PLGRKT: variants seen among roughly 807,000 people sequenced by gnomAD.
PLGRKT encodes the protein plasminogen receptor with a C-terminal lysine.
A neutral mutation model predicts 18.5 loss-of-function variants in PLGRKT; 22 were observed. The observed-to-expected ratio is 1.19, with a 90% confidence interval of 0.85 to 1.70. The LOEUF is 1.70. Among genes scored for constraint, PLGRKT ranks in the 40% most tolerant of loss-of-function variants. The pLI is 0.00. For missense variants in PLGRKT, 235 were observed against 174.4 expected, an observed-to-expected ratio of 1.35 and a Z score of -1.96; for synonymous variants, 72 against 52.8, an observed-to-expected ratio of 1.36 and a Z score of -1.58.
At chr9:5,374,172 G>A (rs1817582630) in intron 3 of PLGRKT, among the ~76,000 whole-genome samples, 1 of 152,204 alleles carries the variant, frequency 6.6e-6, no homozygotes, top group Non-Finnish European at 1.5e-5. Context: ...GAAATGGAGA[G>A]CAAAATCTAA....
chr9:5,369,978 T>C (rs572066951), intron 3 of PLGRKT, among the ~76,000 whole-genome samples: 1 of 152,110 alleles, frequency 6.6e-6, no homozygotes, highest in Non-Finnish European at 1.5e-5. Flanking sequence ...TTAGGAGAAA[T>C]ACCTAATGTA....
rs1164793227 is a variant in PLGRKT, at chr9:5,418,359, C to G, written c.81+13538G>C. 4.2e-6 allele frequency: 3 copies of G among 711,556 alleles called. No homozygotes were observed. The highest frequency in any genetic ancestry group is 7.6e-6 in the Non-Finnish European group (3 of 396,534). The allele number at this position is 711,556 out of a possible 1,614,324, so 44.1% of individuals were successfully genotyped here. ...TTGGCACCCACAAGAGACTTCCCTGCAGCCCTCTCCAGCCACAAGATGTCA... is the reference window on the plus strand; with the variant it reads ...TTGGCACCCACAAGAGACTTCCCTGGAGCCCTCTCCAGCCACAAGATGTCA... On this transcript the variant is annotated intron_variant, in intron 3 of 5. Coordinates refer to ENST00000223864, the MANE Select transcript of PLGRKT (RefSeq NM_018465.4). This position sits in a 1 kb window ranked among gnomAD's most constrained non-coding sequence, Gnocchi z 4.2.
intron 5 of PLGRKT, among the ~76,000 whole-genome samples, chr9:5,359,505 G>A (rs948204100): frequency 3.9e-5 from 6 of 152,076 alleles, no homozygotes; most frequent in African/African-American, 1.2e-4. Flanking sequence ...ATGTAATTAG[G>A]TTGGCCATTG....
chr9:5,358,899 G>A lies in PLGRKT; in HGVS notation c.323-539C>T, dbSNP rs73639288. The stretch of plus-strand genomic sequence containing the variant: ...TTCCTCTTTCAAAGAGCTACACAAC[G>A]CAGTAATTTCTTGGGCCCAGTGACA... On this transcript the variant is annotated intron_variant, in intron 5 of 5. Transcript: ENST00000223864. Among the ~76,000 whole-genome samples, 991 of 152,060 alleles carry A rather than the reference G, an allele frequency of 6.5e-3. 10 individuals carry two copies. Among genetic ancestry groups the A allele is most frequent in the African/African-American group, 0.022 (925 of 41,488 alleles).
intron 3 of PLGRKT, among the ~76,000 whole-genome samples, chr9:5,401,373 T>G (rs1447052882): frequency 6.6e-6 from 1 of 152,034 alleles, no homozygotes; most frequent in African/African-American, 2.4e-5. Context: ...TGTCTAACAC[T>G]ATTTTGTTTT....
At chr9:5,436,368 T>A (rs1288619862) in intron 2 of PLGRKT, among the ~76,000 whole-genome samples, 1 of 152,216 alleles carries the variant, frequency 6.6e-6, no homozygotes, top group Non-Finnish European at 1.5e-5. Flanking sequence ...GATGACTAAA[T>A]TTTTACACCT....
chr9:5,410,962 A>G (rs1419361403), intron 3 of PLGRKT, among the ~76,000 whole-genome samples: 1 of 152,266 alleles, frequency 6.6e-6, no homozygotes, highest in Non-Finnish European at 1.5e-5. Context: ...TGGCTAAACA[A>G]AATGGGTATT....
intron 3 of PLGRKT, among the ~76,000 whole-genome samples, chr9:5,389,661 T>C (rs1817910530): frequency 6.6e-6 from 1 of 151,854 alleles, no homozygotes; most frequent in Admixed American, 6.6e-5. Flanking sequence ...TCGCAAATGA[T>C]TCACTGAAAG....
intron 3 of PLGRKT, among the ~76,000 whole-genome samples, chr9:5,375,057 C>T (rs1002400936): frequency 6.6e-6 from 1 of 152,140 alleles, no homozygotes; most frequent in African/African-American, 2.4e-5. Flanking sequence ...AAAACCCAAA[C>T]TGAATAGCCA....
chr9:5,415,190 T>C (rs994900196), intron 3 of PLGRKT, among the ~76,000 whole-genome samples: 1 of 152,194 alleles, frequency 6.6e-6, no homozygotes, highest in Non-Finnish European at 1.5e-5. Flanking sequence ...GGATGGGTTC[T>C]ATTAAAAAGA....
At position 5,393,731 on chromosome 9, in the gene PLGRKT, G is replaced by T. The variant is rs115308188; in HGVS notation, c.82-31843C>A. 4.2e-3 allele frequency among the ~76,000 whole-genome samples: 636 copies of T among 151,872 alleles called. 14 individuals are homozygous for T. The highest frequency in any genetic ancestry group is 0.015 in the African/African-American group (619 of 41,200). On this transcript the variant is annotated intron_variant, in intron 3 of 5. Transcript: ENST00000223864. ...TATTTTTTTAATAAGCTGGGAATAA[G>T]GACGAGCTACCTCAAAGAATTAAGT... is the stretch of plus-strand genomic sequence containing the variant.
chr9:5,383,276 CT>C (rs1042722469), intron 3 of PLGRKT, among the ~76,000 whole-genome samples: 4 of 152,198 alleles, frequency 2.6e-5, no homozygotes, highest in Non-Finnish European at 5.9e-5. Flanking sequence ...ATTCAGACTT[CT>C]GGCCTCCAGA....
chr9:5,425,941 A>G (rs1051881914), intron 3 of PLGRKT, among the ~76,000 whole-genome samples: 1 of 152,218 alleles, frequency 6.6e-6, no homozygotes, highest in African/African-American at 2.4e-5. Flanking sequence ...TCTTCTATTT[A>G]TCCTTCTCAT....
Position 5,361,103 on chromosome 9 carries a change from A to G in PLGRKT, c.297T>C (p.Tyr99=), listed in dbSNP as rs148099292. 1.3e-6 allele frequency: 2 copies of G among 1,588,322 alleles called. No homozygotes were observed. Among genetic ancestry groups the G allele is most frequent in the African/African-American group, 1.3e-5 (1 of 74,374 alleles). The stretch of plus-strand genomic sequence containing the variant: ...CTTTCATTCTTTCTAAAAGGGTTCC[A>G]TAGCCCAAGTCATACTGGTAGGTGA... ...FILTYQYDLG[Y]GTLLERMKGE... is the part of the protein sequence containing the mutation. The change falls in exon 5 of 6, where the codon TAT becomes TAC. Residue 99 remains tyrosine (Y), a synonymous_variant. Coordinates refer to ENST00000223864, the MANE Select transcript of PLGRKT (RefSeq NM_018465.4).
chr9:5,431,429 G>A (rs1288745013), intron 3 of PLGRKT, among the ~76,000 whole-genome samples: 1 of 151,604 alleles, frequency 6.6e-6, no homozygotes, highest in Non-Finnish European at 1.5e-5. Context: ...AGCTACTAGG[G>A]AGGCTGAGGC....
At chr9:5,410,075 T>C (rs1219098771) in intron 3 of PLGRKT, among the ~76,000 whole-genome samples, 1 of 152,266 alleles carries the variant, frequency 6.6e-6, no homozygotes, top group Non-Finnish European at 1.5e-5. Flanking sequence ...TTTAAAACTT[T>C]ATTTTTAAAA....
At position 5,424,704 on chromosome 9, in the gene PLGRKT, G is replaced by A. The variant is rs957353295; in HGVS notation, c.81+7193C>T. On this transcript the variant is annotated intron_variant, in intron 3 of 5. Transcript: ENST00000223864. ...TATATATATATATACACACAGGGGG[G>A]GGAGAGAGGGAGAGACAGAGAGAGA... is the stretch of plus-strand genomic sequence containing the variant. Among the ~76,000 whole-genome samples, 153 of 124,504 alleles carry A rather than the reference G, an allele frequency of 1.2e-3. 2 individuals carry two copies. The highest frequency in any genetic ancestry group is 5.5e-3 in the African/African-American group (146 of 26,402). 81.7% of individuals were successfully genotyped at this position (124,504 alleles called of 152,430 possible). A position where few individuals can be genotyped will look rare whatever the true frequency, so the allele number is the denominator to read the frequency against.
chr9:5,392,254 A>G (rs1325272542), intron 3 of PLGRKT: 1 of 151,902 alleles, frequency 6.6e-6, no homozygotes, highest in Non-Finnish European at 1.5e-5. Flanking sequence ...GATGTTCACA[A>G]TAAAGATATG....
chr9:5,377,054 G>A (rs888765401), intron 3 of PLGRKT, among the ~76,000 whole-genome samples: 4 of 152,316 alleles, frequency 2.6e-5, no homozygotes, highest in African/African-American at 9.6e-5. Flanking sequence ...TGCCTGGGAA[G>A]TTAGAGATCT....
Sources: gnomAD v4.1 joint callset for allele counts (sites outside exome capture counted in the v4.1 genomes callset) on GRCh38, gnomAD v4.1.1 for gene constraint, Gnocchi (gnomAD v3.1) non-coding constraint, MANE v1.5 for transcripts, NCBI Gene and HGNC (gene_info 2026-07-23, HGNC 2026-07-21) for gene names.